Variants in ZMIZ1 observed in about 807,000 individuals in gnomAD.
The protein encoded by ZMIZ1 is zinc finger MIZ domain-containing protein 1.
Under a neutral mutation model 113.9 loss-of-function variants are expected in ZMIZ1, and 17 were observed. The observed-to-expected ratio is 0.15, with a 90% CI of 0.10 to 0.22. ZMIZ1 has a LOEUF of 0.22. Among genes scored for constraint, ZMIZ1 ranks in the 10% least tolerant of loss-of-function variants. ZMIZ1 has a pLI of 1.00. For synonymous variants in ZMIZ1, 607 were observed against 603.1 expected, an observed-to-expected ratio of 1.01 and a Z score of -0.09; for missense variants, 1,059 against 1,477.8, an observed-to-expected ratio of 0.72 and a Z score of 4.65.
At chr10:79,249,027 C>T (rs1850381873) in intron 7 of ZMIZ1, among the ~76,000 whole-genome samples, 1 of 152,152 alleles carries the variant, frequency 6.6e-6, no homozygotes, top group South Asian at 2.1e-4. Context: ...TCACTGTGCG[C>T]AGAAGATTTA....
intron 9 of ZMIZ1, chr10:79,290,690 C>T (rs376199658): frequency 4.5e-5 from 30 of 659,506 alleles, no homozygotes; most frequent in Middle Eastern, 2.4e-4. Flanking sequence ...CCCTGGGGAC[C>T]GCTTGAACTG....
chr10:79,075,780 AAATGGCC>A (rs1842454677), intron 1 of ZMIZ1, among the ~76,000 whole-genome samples: 1 of 152,230 alleles, frequency 6.6e-6, no homozygotes. Context: ...GCAGATCAGG[AAATGGCC>A]AAGCTGTTCT....
chr10:79,160,241 T>C (rs916199499), intron 3 of ZMIZ1, among the ~76,000 whole-genome samples: 3 of 152,188 alleles, frequency 2.0e-5, no homozygotes, highest in Admixed American at 2.0e-4. Context: ...CCCAAAACTG[T>C]TTGTATTTCC....
At chr10:79,287,268 A>C (rs1853147839) in intron 8 of ZMIZ1, among the ~76,000 whole-genome samples, 1 of 152,072 alleles carries the variant, frequency 6.6e-6, no homozygotes, top group African/African-American at 2.4e-5. Flanking sequence ...GTTTCTCTGC[A>C]CTGCCCACTC....
chr10:79,261,466 C>G (rs547425385), intron 7 of ZMIZ1, among the ~76,000 whole-genome samples: 26 of 152,336 alleles, frequency 1.7e-4, no homozygotes, highest in African/African-American at 5.5e-4. Context: ...AATGACGGCT[C>G]CCTCCCCCAG....
At chr10:79,233,577 C>T (rs113941746) in intron 7 of ZMIZ1, among the ~76,000 whole-genome samples, 30 of 152,338 alleles carry the variant, frequency 2.0e-4, no homozygotes, top group Non-Finnish European at 3.8e-4. Flanking sequence ...GATTTCAACA[C>T]GTTAACTTAG....
rs148779073 is a variant in ZMIZ1, at chr10:79,222,185, GT to G, written c.280+5921del. 5.6e-3 allele frequency among the ~76,000 whole-genome samples: 836 copies of G among 150,092 alleles called. 5 individuals are homozygous for G. The highest frequency in any genetic ancestry group is 0.02 in the African/African-American group (802 of 40,986). On this transcript the variant is annotated intron_variant, in intron 7 of 24. Coordinates refer to ENST00000334512, the MANE Select transcript of ZMIZ1 (RefSeq NM_020338.4). ...GACACCTGAGATTGGACCACTCAAT[GT>G]TTTTTTTTTATGCATACAAGTTGCC...
chr10:79,283,561 T>C (rs781361946), intron 8 of ZMIZ1, among the ~76,000 whole-genome samples: 18 of 152,150 alleles, frequency 1.2e-4, no homozygotes, highest in Non-Finnish European at 1.6e-4. Context: ...TCTCCACAGC[T>C]GCCATTTTTA....
At chr10:79,150,749 C>T (rs948295314) in intron 3 of ZMIZ1, among the ~76,000 whole-genome samples, 5 of 152,158 alleles carry the variant, frequency 3.3e-5, no homozygotes, top group Admixed American at 6.5e-5. Context: ...CCTCCCCATC[C>T]ACCCCTGTCT....
chr10:79,125,916 G>A (rs909550616), intron 2 of ZMIZ1, among the ~76,000 whole-genome samples: 2 of 152,194 alleles, frequency 1.3e-5, no homozygotes, highest in Non-Finnish European at 2.9e-5. Context: ...GCTACATGGG[G>A]GTGCAGAGGC....
Position 79,314,682 on chromosome 10 carries a change from T to TC in ZMIZ1, c.*1933_*1934insC, listed in dbSNP as rs947310848. 6.2e-6 allele frequency: 1 copy of TC among 160,956 alleles called. No individual in the cohort carries two copies. The highest frequency in any genetic ancestry group is 2.9e-5 in the African/African-American group (1 of 34,498). 10.0% of individuals were successfully genotyped at this position (160,956 alleles called of 1,614,324 possible). A position where few individuals can be genotyped will look rare whatever the true frequency, so the allele number is the denominator to read the frequency against. The stretch of plus-strand genomic sequence containing the variant: ...CTCAATGACAAAGACCGAGTCTTCT[T>TC]TTTTTTTAAACAAAAACAAAAAAAG... On this transcript the variant is annotated 3_prime_UTR_variant, in exon 25 of 25. Coordinates refer to ENST00000334512, the MANE Select transcript of ZMIZ1 (RefSeq NM_020338.4).
Position 79,069,532 on chromosome 10 carries a change from G to A in ZMIZ1, c.-337+262G>A, listed in dbSNP as rs1842176259. ...GGGGGCCGGGTTTGTCAGGGTGTGC[G>A]GGGCGTAAGTGTGGTCGTGCGCGCG... is the stretch of plus-strand genomic sequence containing the variant. On this transcript the variant is annotated intron_variant, in intron 1 of 24. Transcript: ENST00000334512. This position sits in a 1 kb window ranked among gnomAD's most constrained non-coding sequence, Gnocchi z 4.6. Among the ~76,000 whole-genome samples, 1 of 151,790 alleles carries A rather than the reference G, an allele frequency of 6.6e-6. No homozygotes were observed. The highest frequency in any genetic ancestry group is 6.6e-5 in the Admixed American group (1 of 15,248).
intron 7 of ZMIZ1, among the ~76,000 whole-genome samples, chr10:79,275,770 GTC>G (rs773663963): frequency 4.6e-5 from 7 of 152,180 alleles, no homozygotes; most frequent in Non-Finnish European, 1.0e-4. Context: ...CAGGAGCACT[GTC>G]TCTGTCCCTG....
At chr10:79,210,729 G>A (rs77481034) in intron 6 of ZMIZ1, among the ~76,000 whole-genome samples, 19,126 of 152,280 alleles carry the variant, frequency 0.13, 1,525 homozygotes, top group Admixed American at 0.18. Flanking sequence ...CAGGCCAAGC[G>A]AAAGTCTGGG....
chr10:79,270,777 C>G (rs1851900247), intron 7 of ZMIZ1, among the ~76,000 whole-genome samples: 1 of 152,126 alleles, frequency 6.6e-6, no homozygotes, highest in Non-Finnish European at 1.5e-5. Context: ...CTATCTGGAT[C>G]TTATCTACTA....
chr10:79,262,903 G>A (rs972977743), intron 7 of ZMIZ1, among the ~76,000 whole-genome samples: 1 of 152,208 alleles, frequency 6.6e-6, no homozygotes, highest in African/African-American at 2.4e-5. Flanking sequence ...TGATTTCCAG[G>A]GCTGTCAAGC....
In ZMIZ1 at chr10:79,230,294, G is replaced by A. The variant is rs145679999; in HGVS notation, c.280+14020G>A. On this transcript the variant is annotated intron_variant, in intron 7 of 24. Coordinates refer to ENST00000334512, the MANE Select transcript of ZMIZ1 (RefSeq NM_020338.4). ...CCGTGCACCACAGGTCCTGCTGCTC[G>A]GCTCTGCCAGGGTCATCTGCAGCGT... 7.5e-3 allele frequency among the ~76,000 whole-genome samples: 1,140 copies of A among 151,944 alleles called. 15 individuals are homozygous for A. The highest frequency in any genetic ancestry group is 0.026 in the African/African-American group (1,070 of 41,416).
intron 4 of ZMIZ1, among the ~76,000 whole-genome samples, chr10:79,187,202 C>G (rs1366125098): frequency 6.6e-6 from 1 of 152,226 alleles, no homozygotes; most frequent in Non-Finnish European, 1.5e-5. Flanking sequence ...CACCCCGTCC[C>G]CACTTCATCA....
At chr10:79,199,032 C>CA (rs397794791) in intron 4 of ZMIZ1, among the ~76,000 whole-genome samples, 77,248 of 144,466 alleles carry the variant, frequency 0.53, 20,494 homozygotes, top group African/African-American at 0.63. Context: ...GACTCAGTCT[C>CA]AAAAAAAAAA....
Sources: allele counts gnomAD v4.1 joint callset (sites outside exome capture counted in the v4.1 genomes callset), GRCh38; gene constraint gnomAD v4.1.1; non-coding constraint Gnocchi (gnomAD v3.1); transcripts MANE v1.5; gene names NCBI Gene and HGNC (gene_info 2026-07-23, HGNC 2026-07-21).